Variants in PCGF5 observed in about 807,000 individuals in gnomAD.
PCGF5 encodes the protein polycomb group ring finger 5.
PCGF5 carries 9 observed loss-of-function variants against 44.3 expected under a neutral mutation model. The ratio of observed to expected loss-of-function variants is 0.20; its 90% CI spans 0.12 to 0.35. PCGF5 has a LOEUF of 0.35. Among genes scored for constraint, PCGF5 ranks in the 10% least tolerant of loss-of-function variants. The pLI, the probability that PCGF5 is intolerant of heterozygous loss-of-function variation, is 1.00. For synonymous variants in PCGF5, 95 were observed against 102.5 expected (o/e 0.93, Z 0.44); for missense variants, 146 against 305.3 (o/e 0.48, Z 3.89).
chr10:91,238,325 A>G (rs369901642), intron 2 of PCGF5, among the ~76,000 whole-genome samples: 11 of 152,178 alleles, frequency 7.2e-5, no homozygotes, highest in East Asian at 5.8e-4. Flanking sequence ...TAATGTATGC[A>G]CCTTTGGATG....
rs180820131 is a variant in PCGF5 at position 91,280,747 on chromosome 10, G to A, written c.*2431G>A. ...TGTCTAGTAATACACTGTATTCCCC[G>A]TTAATTATCCCTTAAGTCAGATTGT... On this transcript the variant is annotated 3_prime_UTR_variant, in exon 10 of 10. Coordinates refer to ENST00000336126, the MANE Select transcript of PCGF5 (RefSeq NM_032373.5). The A allele has an allele frequency of 1.0e-3, 154 of 152,256 alleles. 3 individuals carry two copies. The highest frequency in any genetic ancestry group is 9.6e-3 in the Admixed American group (146 of 15,270). The allele number at this position is 152,256 out of a possible 1,614,324, so 9.4% of individuals were successfully genotyped here.
chr10:91,242,846 C>T (rs1287905254), intron 3 of PCGF5, among the ~76,000 whole-genome samples: 1 of 152,078 alleles, frequency 6.6e-6, no homozygotes, highest in African/African-American at 2.4e-5. Flanking sequence ...TATTATATTA[C>T]ATAACCACAG....
chr10:91,197,430 T>C (rs1382225211), intron 1 of PCGF5, among the ~76,000 whole-genome samples: 1 of 152,204 alleles, frequency 6.6e-6, no homozygotes, highest in Non-Finnish European at 1.5e-5. Flanking sequence ...TCACAACTGC[T>C]GATGTTTATT....
chr10:91,247,770 C>T (rs1296033566), intron 3 of PCGF5, among the ~76,000 whole-genome samples: 2 of 152,132 alleles, frequency 1.3e-5, no homozygotes, highest in African/African-American at 4.8e-5. Flanking sequence ...AGATTATTTC[C>T]TTTAGAGGAA....
intron 6 of PCGF5, among the ~76,000 whole-genome samples, chr10:91,254,203 CGTGT>C (rs148669111): frequency 1.4e-4 from 20 of 148,028 alleles, no homozygotes; most frequent in African/African-American, 3.7e-4. Flanking sequence ...CCCTCCACCT[CGTGT>C]GTGTGTGTGT....
chr10:91,222,657 C>T, intron 1 of PCGF5, 32 bp from the exon 2 acceptor site: 2 of 515,746 alleles, frequency 3.9e-6, no homozygotes, highest in Non-Finnish European at 6.8e-6. Context: ...ACGCTTTTTT[C>T]TCTCATCTTT....
At chr10:91,157,402 A>AT in the PCGF5 span, among the ~76,000 whole-genome samples, 2 of 152,206 alleles carry the variant, frequency 1.3e-5, no homozygotes, top group Non-Finnish European at 1.5e-5. Context: ...GTTGAATTTG[A>AT]TTTTATATGG....
At chr10:91,238,693 A>G (rs562742235) in intron 2 of PCGF5, among the ~76,000 whole-genome samples, 49 of 135,860 alleles carry the variant, frequency 3.6e-4, no homozygotes, top group African/African-American at 1.2e-3. Flanking sequence ...AATACCAGCA[A>G]TGTTCTGAAG....
upstream of PCGF5, among the ~76,000 whole-genome samples, chr10:91,215,308 G>A (rs1196029949): frequency 6.6e-6 from 1 of 152,200 alleles, no homozygotes; most frequent in Admixed American, 6.5e-5. Flanking sequence ...TTATAATTCA[G>A]TAATATAGTT....
rs1426404104 is a variant in PCGF5 at position 91,271,629 on chromosome 10, C to A, written c.664-9C>A. ...TGCCTCTTATCTGATGAGTTCATCT[C>A]CTCCGCAGTTTCGGTGTCTGAACTG... On this transcript the variant is annotated splice_polypyrimidine_tract_variant and intron_variant, in intron 8 of 9. Coordinates refer to ENST00000336126, the MANE Select transcript of PCGF5 (RefSeq NM_032373.5). 6.2e-7 allele frequency: 1 copy of A among 1,613,098 alleles called. No individual in the cohort carries two copies.
In PCGF5 at chr10:91,279,272, T is replaced by A. The variant is rs1158151807; in HGVS notation, c.*956T>A. 1 of 152,168 alleles carries A rather than the reference T, an allele frequency of 6.6e-6. No homozygotes were observed. Among genetic ancestry groups the A allele is most frequent in the East Asian group, 1.9e-4 (1 of 5,196 alleles). 9.4% of individuals were successfully genotyped at this position (152,168 alleles called of 1,614,324 possible). On this transcript the variant is annotated 3_prime_UTR_variant, in exon 10 of 10. Transcript: ENST00000336126. ...TTATGACGATTTTAAATATTAGGAT[T>A]TTTAGAGCACATAACATTAGCTATT...
At chr10:91,260,202 G>A (rs1450640874) in intron 6 of PCGF5, among the ~76,000 whole-genome samples, 2 of 150,208 alleles carry the variant, frequency 1.3e-5, no homozygotes, top group African/African-American at 2.5e-5. Flanking sequence ...CAACAGACAT[G>A]TGAAAAAATG....
rs920149169 is a variant in PCGF5 at position 91,280,304 on chromosome 10, G to A, written c.*1988G>A. On this transcript the variant is annotated 3_prime_UTR_variant, in exon 10 of 10. Transcript: ENST00000336126. ...AATTAACTCAAAATGAATTAAGAGT[G>A]CATTTTAAAAATCACAAGTGAGACT... The A allele has an allele frequency of 3.9e-5, 6 of 152,102 alleles. No individual in the cohort carries two copies. Among genetic ancestry groups the A allele is most frequent in the Middle Eastern group, 3.4e-3 (1 of 294 alleles). The allele number at this position is 152,102 out of a possible 1,614,324, so 9.4% of individuals were successfully genotyped here.
At chr10:91,239,309 CAA>C (rs576137969) in intron 2 of PCGF5, among the ~76,000 whole-genome samples, 33 of 152,242 alleles carry the variant, frequency 2.2e-4, no homozygotes, top group South Asian at 2.1e-3. Context: ...AATAAACAAA[CAA>C]GAGGAAATGC....
intron 1 of PCGF5, among the ~76,000 whole-genome samples, chr10:91,194,994 G>C (rs1485710441): frequency 6.6e-6 from 1 of 152,106 alleles, no homozygotes; most frequent in East Asian, 1.9e-4. Context: ...GACAGTATAG[G>C]GGGAGTAGAT....
chr10:91,213,695 A>G (rs996642306), intron 1 of PCGF5, among the ~76,000 whole-genome samples: 6 of 149,272 alleles, frequency 4.0e-5, no homozygotes, highest in African/African-American at 1.5e-4. Context: ...CATGTTGGTC[A>G]GGCTGGTCTC....
At chr10:91,198,148 C>T (rs1205352667) in intron 1 of PCGF5, among the ~76,000 whole-genome samples, 1 of 152,148 alleles carries the variant, frequency 6.6e-6, no homozygotes, top group Non-Finnish European at 1.5e-5. Context: ...TGTCAGATCA[C>T]GTCATTTTAT....
rs1846409066 is a variant in PCGF5 at position 91,279,858 on chromosome 10, T to G, written c.*1542T>G. ...TGCCTTCTGAATTTCAAAATGATTC[T>G]TAGAAATAAGATATTGTACAACTCT... On this transcript the variant is annotated 3_prime_UTR_variant, in exon 10 of 10. Transcript: ENST00000336126. The G allele has an allele frequency of 1.3e-5, 2 of 152,222 alleles. No individual in the cohort carries two copies. Among genetic ancestry groups the G allele is most frequent in the South Asian group, 4.1e-4 (2 of 4,826 alleles). 9.4% of individuals were successfully genotyped at this position (152,222 alleles called of 1,614,324 possible).
At chr10:91,188,226 A>C (rs572439460) in intron 1 of PCGF5, among the ~76,000 whole-genome samples, 1 of 152,198 alleles carries the variant, frequency 6.6e-6, no homozygotes, top group African/African-American at 2.4e-5. Context: ...GGTGCAGCGC[A>C]CCATGCGCGA....
Sources: allele counts gnomAD v4.1 joint callset (sites outside exome capture counted in the v4.1 genomes callset), GRCh38; gene constraint gnomAD v4.1.1; transcripts MANE v1.5; gene names NCBI Gene and HGNC (gene_info 2026-07-23, HGNC 2026-07-21).